OLFM3: variants seen among roughly 807,000 people sequenced by gnomAD.
OLFM3 encodes noelin-3.
In OLFM3, 20 loss-of-function variants were observed where a neutral mutation model predicts 48.6. That is an observed-to-expected ratio of 0.41 (90% CI 0.29 to 0.60). The LOEUF (loss-of-function observed/expected upper bound fraction) is 0.60, where lower values mean the gene tolerates loss of function less well. Among genes scored for constraint, OLFM3 ranks in the 20% least tolerant of loss-of-function variants. The probability of loss-of-function intolerance (pLI) is 0.28; values close to 1 mark genes in which losing one functional copy is unlikely to be tolerated. For synonymous variants in OLFM3, 222 were observed against 198.1 expected, an observed-to-expected ratio of 1.12 and a Z score of -1.01; for missense variants, 437 against 544.3, an observed-to-expected ratio of 0.80 and a Z score of 1.96.
intron 1 of OLFM3, among the ~76,000 whole-genome samples, chr1:101,975,640 A>T (rs1041868310): frequency 2.0e-5 from 3 of 152,172 alleles, no homozygotes; most frequent in East Asian, 1.9e-4. Flanking sequence ...GACCACTGTC[A>T]CAGAAAGGTA....
chr1:101,877,286 A>G (rs1657339935), intron 1 of OLFM3, among the ~76,000 whole-genome samples: 1 of 151,952 alleles, frequency 6.6e-6, no homozygotes, highest in African/African-American at 2.4e-5. Flanking sequence ...ATATCAGGAT[A>G]ACCAGATTCC....
At position 101,804,508 on chromosome 1, in the gene OLFM3, G is replaced by A. The variant is rs1274426492; in HGVS notation, c.1107C>T (p.Tyr369=). 4 of 1,612,670 alleles carry A rather than the reference G, an allele frequency of 2.5e-6. No individual in the cohort carries two copies. Among genetic ancestry groups the A allele is most frequent in the Non-Finnish European group, 2.5e-6 (3 of 1,179,132 alleles). ...LEVMKSWSTG[Y]PKRSAGESFM... ...AAGATTCCCCTGCACTTCTCTTGGGGTAGCCAGTGCTCCAGCTCTTCATCA... is the reference window on the plus strand; with the variant it reads ...AAGATTCCCCTGCACTTCTCTTGGGATAGCCAGTGCTCCAGCTCTTCATCA... The change falls in exon 6 of 6, where the codon TAC becomes TAT. Residue 369 remains tyrosine, a synonymous_variant. Coordinates refer to ENST00000370103, the MANE Select transcript of OLFM3 (RefSeq NM_058170.4). The surrounding 1 kb of genome is among the most constrained non-coding windows in gnomAD (Gnocchi z 4.5).
chr1:101,960,564 T>C (rs954299461), intron 1 of OLFM3, among the ~76,000 whole-genome samples: 2 of 152,222 alleles, frequency 1.3e-5, no homozygotes, highest in Non-Finnish European at 2.9e-5. Context: ...AGAAGATATA[T>C]TGCAACAGAG....
intron 1 of OLFM3, among the ~76,000 whole-genome samples, chr1:101,840,241 T>G (rs1158453838): frequency 6.6e-6 from 1 of 152,046 alleles, no homozygotes; most frequent in African/African-American, 2.4e-5. Flanking sequence ...ATTAATGGAG[T>G]TCTATTCATT....
chr1:101,955,609 T>A (rs1660265283), intron 1 of OLFM3, among the ~76,000 whole-genome samples: 1 of 151,912 alleles, frequency 6.6e-6, no homozygotes, highest in Non-Finnish European at 1.5e-5. Flanking sequence ...TTTTCTCATC[T>A]CTCTGGCATT....
At chr1:101,946,597 T>G (rs188181928) in intron 1 of OLFM3, among the ~76,000 whole-genome samples, 5 of 152,328 alleles carry the variant, frequency 3.3e-5, no homozygotes, top group Non-Finnish European at 5.9e-5. Context: ...TAATGAATTA[T>G]GTTCTTAGTC....
chr1:101,850,982 G>T (rs1656201247), intron 1 of OLFM3, among the ~76,000 whole-genome samples: 1 of 152,096 alleles, frequency 6.6e-6, no homozygotes, highest in Non-Finnish European at 1.5e-5. Context: ...AAAATGAACT[G>T]TATTGACTGA....
chr1:101,955,239 A>T (rs1660253217), intron 1 of OLFM3, among the ~76,000 whole-genome samples: 1 of 152,018 alleles, frequency 6.6e-6, no homozygotes, highest in African/African-American at 2.4e-5. Context: ...GCTGAACATT[A>T]TCATGATGCC....
chr1:101,831,015 T>C (rs1489482694), intron 2 of OLFM3, among the ~76,000 whole-genome samples, 188 bp from the exon 3 acceptor site: 1 of 152,136 alleles, frequency 6.6e-6, no homozygotes, highest in Non-Finnish European at 1.5e-5. Context: ...CAAGAGAAAA[T>C]TATACCTAGA....
At chr1:101,982,695 C>T (rs1333509978) in intron 1 of OLFM3, among the ~76,000 whole-genome samples, 1 of 152,160 alleles carries the variant, frequency 6.6e-6, no homozygotes, top group Non-Finnish European at 1.5e-5. Flanking sequence ...TTCCTGACTG[C>T]TTTTGAGCTT....
intron 1 of OLFM3, among the ~76,000 whole-genome samples, chr1:101,960,074 C>T (rs932641937): frequency 6.6e-6 from 1 of 152,008 alleles, no homozygotes; most frequent in African/African-American, 2.4e-5. Context: ...AAACTATGTA[C>T]TAAAAATAAA....
chr1:101,925,459 T>C (rs886920580), intron 1 of OLFM3, among the ~76,000 whole-genome samples: 1 of 152,012 alleles, frequency 6.6e-6, no homozygotes, highest in South Asian at 2.1e-4. Context: ...CATCATAGTT[T>C]TGTAATTGTG....
chr1:101,821,696 G>C (rs1272902081), intron 4 of OLFM3, among the ~76,000 whole-genome samples: 1 of 152,026 alleles, frequency 6.6e-6, no homozygotes, highest in Non-Finnish European at 1.5e-5. Flanking sequence ...AAGTAAATAA[G>C]AAACTGAAGG....
At chr1:101,882,332 A>T (rs562529198) in intron 1 of OLFM3, among the ~76,000 whole-genome samples, 119 of 91,286 alleles carry the variant, frequency 1.3e-3, no homozygotes, top group African/African-American at 2.5e-3. Flanking sequence ...TATATATATA[A>T]TATATATATA....
At chr1:101,953,034 C>T (rs1196077122) in intron 1 of OLFM3, among the ~76,000 whole-genome samples, 1 of 151,994 alleles carries the variant, frequency 6.6e-6, no homozygotes, top group African/African-American at 2.4e-5. Context: ...AGTAAAAGTA[C>T]AAAAATGCAT....
chr1:101,973,781 CAAG>C lies in OLFM3; in HGVS notation c.69+22964_69+22966del, dbSNP rs553364622. On this transcript the variant is annotated intron_variant, in intron 1 of 5. Transcript: ENST00000370103. ...TTAATAGGCCTATAGTAGAAAGTAT[CAAG>C]AAGGACAAGAAAGAGAGATGAGGTC... 1.6e-4 allele frequency among the ~76,000 whole-genome samples: 25 copies of C among 152,156 alleles called. No homozygotes were observed. The South Asian group carries it at 2.9e-3, about 18-fold the overall frequency.
intron 4 of OLFM3, chr1:101,812,585 C>T (rs146792405): frequency 8.1e-6 from 8 of 985,470 alleles, no homozygotes; most frequent in African/African-American, 3.5e-5. Context: ...CTTATCTAAT[C>T]GACATTTCCA....
At chr1:101,936,596 G>GA (rs1659626054) in intron 1 of OLFM3, among the ~76,000 whole-genome samples, 1 of 152,078 alleles carries the variant, frequency 6.6e-6, no homozygotes, top group Non-Finnish European at 1.5e-5. Flanking sequence ...CACAGAATTA[G>GA]AAAAAATGAT....
At chr1:101,982,215 G>A (rs1661123356) in intron 1 of OLFM3, among the ~76,000 whole-genome samples, 1 of 152,116 alleles carries the variant, frequency 6.6e-6, no homozygotes, top group South Asian at 2.1e-4. Context: ...GCAATCTACA[G>A]TGCAAAGAAT....
Sources: gnomAD v4.1 joint callset for allele counts (sites outside exome capture counted in the v4.1 genomes callset) on GRCh38, gnomAD v4.1.1 for gene constraint, Gnocchi (gnomAD v3.1) non-coding constraint, MANE v1.5 for transcripts, NCBI Gene and HGNC (gene_info 2026-07-23, HGNC 2026-07-21) for gene names.